Variants in PTPRD observed in about 807,000 individuals in gnomAD.
PTPRD encodes protein tyrosine phosphatase receptor type D.
Under a neutral mutation model 214.5 loss-of-function variants are expected in PTPRD, and 34 were observed. The ratio of observed to expected loss-of-function variants is 0.16; its 90% CI spans 0.12 to 0.21. PTPRD has a LOEUF of 0.21. PTPRD is among the 10% of genes least tolerant of loss of function. The probability of loss-of-function intolerance (pLI) is 1.00; values close to 1 mark genes in which losing one functional copy is unlikely to be tolerated. For synonymous variants in PTPRD, 1,128 were observed against 845.7 expected, an observed-to-expected ratio of 1.33 and a Z score of -5.79; for missense variants, 2,545 against 2,398.7, an observed-to-expected ratio of 1.06 and a Z score of -1.27.
At chr9:9,144,082 G>C (rs150506351) in intron 10 of PTPRD, among the ~76,000 whole-genome samples, 265 of 152,288 alleles carry the variant, frequency 1.7e-3, no homozygotes, top group African/African-American at 6.0e-3. Flanking sequence ...CGAATGGATG[G>C]AGTATTTCCC....
chr9:9,562,318 G>T (rs1430815805), intron 8 of PTPRD, among the ~76,000 whole-genome samples: 4 of 152,044 alleles, frequency 2.6e-5, no homozygotes, highest in Admixed American at 1.3e-4. Flanking sequence ...TCTTTTCATT[G>T]CCTCCTCTGC....
chr9:10,389,740 A>T (rs1203355661), intron 2 of PTPRD, among the ~76,000 whole-genome samples: 1 of 151,806 alleles, frequency 6.6e-6, no homozygotes, highest in Non-Finnish European at 1.5e-5. Flanking sequence ...CCTCCACATC[A>T]TTATAATAAA....
intron 5 of PTPRD, among the ~76,000 whole-genome samples, chr9:9,853,559 G>A (rs560959926): frequency 6.6e-6 from 1 of 150,566 alleles, no homozygotes; most frequent in Non-Finnish European, 1.5e-5. Flanking sequence ...TTGTTTTTTG[G>A]TTTTTTTTTA....
At chr9:9,775,030 G>C (rs978125477) in intron 5 of PTPRD, among the ~76,000 whole-genome samples, 7 of 152,144 alleles carry the variant, frequency 4.6e-5, no homozygotes, top group African/African-American at 7.2e-5. Flanking sequence ...AAGGAGACAA[G>C]ATGAAGGAAG....
chr9:9,127,267 G>C (rs1284974861), intron 10 of PTPRD, among the ~76,000 whole-genome samples: 1 of 152,188 alleles, frequency 6.6e-6, no homozygotes, highest in African/African-American at 2.4e-5. Context: ...CAGTGACCCA[G>C]CTGGGAATTG....
At chr9:8,330,362 A>G (rs958825618) in intron 44 of PTPRD, among the ~76,000 whole-genome samples, 5 of 151,984 alleles carry the variant, frequency 3.3e-5, no homozygotes, top group African/African-American at 7.3e-5. Flanking sequence ...ACCTAATGCT[A>G]TTGCACACTA....
At chr9:10,489,041 G>A (rs545621696) in intron 2 of PTPRD, among the ~76,000 whole-genome samples, 2 of 152,140 alleles carry the variant, frequency 1.3e-5, no homozygotes, top group South Asian at 2.1e-4. Flanking sequence ...TTGCCCCATA[G>A]ACACCACAGC....
chr9:8,580,534 G>C (rs938811596), intron 14 of PTPRD, among the ~76,000 whole-genome samples: 6 of 152,312 alleles, frequency 3.9e-5, no homozygotes, highest in African/African-American at 1.4e-4. Context: ...TGAATGTAAA[G>C]ATACCAAAGT....
At chr9:9,898,436 G>GT (rs530464310) in intron 5 of PTPRD, among the ~76,000 whole-genome samples, 151 of 152,106 alleles carry the variant, frequency 9.9e-4, no homozygotes, top group African/African-American at 3.5e-3. Context: ...ACTGAAATGA[G>GT]TTTTTTTCAG....
chr9:8,986,695 A>C (rs2099346603), intron 11 of PTPRD, among the ~76,000 whole-genome samples: 1 of 152,080 alleles, frequency 6.6e-6, no homozygotes, highest in Admixed American at 6.6e-5. Flanking sequence ...ACTTTGAAAA[A>C]TATATGCTCA....
At chr9:9,804,921 T>C (rs1164939392) in intron 5 of PTPRD, among the ~76,000 whole-genome samples, 3 of 151,988 alleles carry the variant, frequency 2.0e-5, no homozygotes, top group Non-Finnish European at 4.4e-5. Context: ...ATGATTGTTC[T>C]AAAGGTGAAA....
intron 3 of PTPRD, among the ~76,000 whole-genome samples, chr9:10,243,551 C>T (rs1378181342): frequency 1.3e-5 from 2 of 151,974 alleles, no homozygotes; most frequent in Non-Finnish European, 2.9e-5. Flanking sequence ...AATCAACATT[C>T]TATATTCTAT....
chr9:9,972,735 C>T (rs2095178531), intron 4 of PTPRD, among the ~76,000 whole-genome samples: 1 of 152,094 alleles, frequency 6.6e-6, no homozygotes, highest in Non-Finnish European at 1.5e-5. Context: ...CCTTTTTCAG[C>T]TTCTAGAGGC....
intron 7 of PTPRD, among the ~76,000 whole-genome samples, chr9:9,693,063 A>T (rs549385035): frequency 2.0e-5 from 3 of 152,174 alleles, no homozygotes; most frequent in Non-Finnish European, 4.4e-5. Context: ...TATAATCTAC[A>T]AACAATGATA....
At position 9,067,878 on chromosome 9, in the gene PTPRD, A is replaced by G. The variant is rs144002860; in HGVS notation, c.-142-49143T>C. ...TTATTTAGTTCTATGCAATTTTATC[A>G]CATGTAGATTTGTGTATTTAAACTA... is the stretch of plus-strand genomic sequence containing the variant. On this transcript the variant is annotated intron_variant, in intron 10 of 45. Coordinates refer to ENST00000381196, the MANE Select transcript of PTPRD (RefSeq NM_002839.4). 3.9e-3 allele frequency among the ~76,000 whole-genome samples: 598 copies of G among 152,160 alleles called. 1 individual carries two copies. The highest frequency in any genetic ancestry group is 0.013 in the African/African-American group (560 of 41,502).
chr9:9,862,297 T>C (rs981303350), intron 5 of PTPRD, among the ~76,000 whole-genome samples: 8 of 152,152 alleles, frequency 5.3e-5, no homozygotes, highest in Admixed American at 1.3e-4. Context: ...AAAAGTTATA[T>C]TGCATTCTGC....
chr9:10,299,486 T>C (rs189447094), intron 3 of PTPRD, among the ~76,000 whole-genome samples: 6 of 152,142 alleles, frequency 3.9e-5, no homozygotes, highest in Non-Finnish European at 5.9e-5. Context: ...AATGGAGACC[T>C]TGAATGTGCA....
chr9:8,631,488 T>C (rs1040883024), intron 14 of PTPRD, among the ~76,000 whole-genome samples: 5 of 151,770 alleles, frequency 3.3e-5, no homozygotes, highest in Non-Finnish European at 7.4e-5. Context: ...GGGTTGTGTA[T>C]CTGGATTATC....
chr9:9,607,287 T>A (rs1339539813), intron 7 of PTPRD, among the ~76,000 whole-genome samples: 1 of 152,168 alleles, frequency 6.6e-6, no homozygotes, highest in Non-Finnish European at 1.5e-5. Context: ...CTGTTTTTAC[T>A]AATGGGTCTT....
Sources: allele counts gnomAD v4.1 joint callset (sites outside exome capture counted in the v4.1 genomes callset), GRCh38; gene constraint gnomAD v4.1.1; transcripts MANE v1.5; gene names NCBI Gene and HGNC (gene_info 2026-07-23, HGNC 2026-07-21).